The following PTPRK variants were observed in gnomAD, a reference collection of about 807,000 sequenced individuals.
The protein encoded by PTPRK is receptor-type tyrosine-protein phosphatase kappa.
In PTPRK, 75 loss-of-function variants were observed where a neutral mutation model predicts 178.0. That is an observed-to-expected ratio of 0.42 (90% CI 0.35 to 0.51). The LOEUF (loss-of-function observed/expected upper bound fraction) is 0.51, where lower values mean the gene tolerates loss of function less well. Among genes scored for constraint, PTPRK ranks in the 20% least tolerant of loss-of-function variants. The pLI, the probability that PTPRK is intolerant of heterozygous loss-of-function variation, is 0.02. For synonymous variants in PTPRK, 637 were observed against 620.6 expected (o/e 1.03, Z -0.39); for missense variants, 1,441 against 1,797.8 (o/e 0.80, Z 3.59).
rs544205297 is a variant in PTPRK at position 128,100,868 on chromosome 6, T to C, written c.1163-10876A>G. Among the ~76,000 whole-genome samples, 9 of 152,140 alleles carry C rather than the reference T, an allele frequency of 5.9e-5. No homozygotes were observed. The East Asian group carries it at 9.6e-4, about 16-fold the overall frequency. Reference sequence around the variant, plus strand: ...GGCCTTAGAAGAAAATAAAATCTCCTTAAATTGTATAAGTAAAAAAGTAAT... The same window carrying C: ...GGCCTTAGAAGAAAATAAAATCTCCCTAAATTGTATAAGTAAAAAAGTAAT... On this transcript the variant is annotated intron_variant, in intron 7 of 29. Coordinates refer to ENST00000368226, the MANE Select transcript of PTPRK (RefSeq NM_002844.4).
intron 1 of PTPRK, among the ~76,000 whole-genome samples, chr6:128,435,167 A>T (rs1161193108): frequency 7.9e-5 from 12 of 151,370 alleles, no homozygotes; most frequent in Admixed American, 2.0e-4. Flanking sequence ...GCAGGCAGGC[A>T]GGCTGGCTTA....
intron 1 of PTPRK, among the ~76,000 whole-genome samples, chr6:128,455,699 A>C (rs1562557633): frequency 6.6e-6 from 1 of 151,944 alleles, no homozygotes; most frequent in Non-Finnish European, 1.5e-5. Flanking sequence ...TAATATTCAC[A>C]CTCTAATGTC....
intron 15 of PTPRK, 125 bp downstream of exon 15, chr6:128,004,959 C>G (rs747717884): frequency 3.0e-5 from 23 of 770,778 alleles, no homozygotes; most frequent in Non-Finnish European, 2.8e-5. Context: ...CCATCTCTTT[C>G]TCTTCTTTCT....
intron 7 of PTPRK, among the ~76,000 whole-genome samples, chr6:128,117,320 T>G (rs1562614558): frequency 7.0e-6 from 1 of 143,726 alleles, no homozygotes; most frequent in African/African-American, 2.7e-5. Context: ...AAAAGCATTT[T>G]CCTATGTTAG....
chr6:128,157,259 T>C (rs1302115779), intron 7 of PTPRK, among the ~76,000 whole-genome samples: 4 of 152,068 alleles, frequency 2.6e-5, no homozygotes, highest in African/African-American at 2.4e-5. Context: ...TCAACACTAC[T>C]GCATCCTTTT....
At chr6:127,997,067 T>C (rs1777235708) in intron 16 of PTPRK, 79 bp from the exon 17 acceptor site, 8 of 1,422,882 alleles carry the variant, frequency 5.6e-6, no homozygotes, top group South Asian at 1.2e-5. Context: ...AAGCCCCAAA[T>C]AGTAAAAACC....
intron 1 of PTPRK, among the ~76,000 whole-genome samples, chr6:128,450,961 T>A (rs114153326): frequency 6.6e-6 from 1 of 152,146 alleles, no homozygotes; most frequent in Non-Finnish European, 1.5e-5. Flanking sequence ...CTTGACTGAT[T>A]CACTGAAGAC....
chr6:128,161,315 T>C lies in PTPRK; in HGVS notation c.1162+23117A>G, dbSNP rs114201440. Among the ~76,000 whole-genome samples, 356 of 151,744 alleles carry C rather than the reference T, an allele frequency of 2.3e-3. 1 individual carries two copies. Among genetic ancestry groups the C allele is most frequent in the African/African-American group, 7.8e-3 (325 of 41,498 alleles). ...GAAAGTTCATGTTCTAGTAGCCCTATGTGAATTGTCAATGTGTATTCCATA... is the reference window on the plus strand; with the variant it reads ...GAAAGTTCATGTTCTAGTAGCCCTACGTGAATTGTCAATGTGTATTCCATA... On this transcript the variant is annotated intron_variant, in intron 7 of 29. Coordinates refer to ENST00000368226, the MANE Select transcript of PTPRK (RefSeq NM_002844.4).
Position 127,981,216 on chromosome 6 carries a change from T to C in PTPRK, c.3611A>G (p.Lys1204Arg). ...SIACLPRNHDKNRFMDMLPPD... is the reference protein window; with the variant it reads ...SIACLPRNHDRNRFMDMLPPD... The stretch of plus-strand genomic sequence containing the variant: ...TGGCAGCATGTCCATGAAACGGTTC[T>C]TGTCATGGTTCCTTGGCAGGCACGC... The change falls in exon 25 of 30, where the codon AAG (lysine) becomes AGG (arginine). Residue 1204 changes from lysine (K) to arginine (R), a missense_variant. Lys to Arg is a conservative substitution (Grantham distance 26). Coordinates refer to ENST00000368226, the MANE Select transcript of PTPRK (RefSeq NM_002844.4). The C allele has an allele frequency of 6.2e-7, 1 of 1,613,724 alleles. No homozygotes were observed. The highest frequency in any genetic ancestry group is 8.5e-7 in the Non-Finnish European group (1 of 1,179,714).
At chr6:128,304,037 A>G (rs942519899) in intron 3 of PTPRK, among the ~76,000 whole-genome samples, 2 of 152,164 alleles carry the variant, frequency 1.3e-5, no homozygotes, top group African/African-American at 4.8e-5. Context: ...GACTTATGCA[A>G]TTTTGGAGCA....
intron 2 of PTPRK, 33 bp downstream of exon 2, chr6:128,397,533 C>G (rs766097159): frequency 1.9e-6 from 3 of 1,609,058 alleles, no homozygotes; most frequent in South Asian, 1.1e-5. Flanking sequence ...CAAAACTATT[C>G]CCCCAACACT....
rs1001618642 is a variant in PTPRK at position 128,317,602 on chromosome 6, A to T, written c.495+4437T>A. 3.9e-5 allele frequency among the ~76,000 whole-genome samples: 6 copies of T among 152,164 alleles called. No individual in the cohort carries two copies. In the East Asian group the frequency reaches 1.2e-3, roughly 29 times the overall value. ...ATAACAATGCTTTTGGCTGCACAGG[A>T]GAATAGTCATCTAAAAATTCTTTAA... On this transcript the variant is annotated intron_variant, in intron 3 of 29. Transcript: ENST00000368226.
rs976024864 is a variant in PTPRK, at chr6:128,020,702, A to G, written c.2195-11434T>C. On this transcript the variant is annotated intron_variant, in intron 13 of 29. Transcript: ENST00000368226. ...TAAAACCTTTACTAGTGCTCAAATT[A>G]TAAGAACGTGATGTGATCTAAAATA... is the stretch of plus-strand genomic sequence containing the variant. Among the ~76,000 whole-genome samples, 10 of 152,330 alleles carry G rather than the reference A, an allele frequency of 6.6e-5. No homozygotes were observed. The South Asian group carries it at 1.4e-3, about 22-fold the overall frequency.
intron 5 of PTPRK, among the ~76,000 whole-genome samples, chr6:128,237,565 G>A (rs1393458800): frequency 6.6e-6 from 1 of 152,188 alleles, no homozygotes; most frequent in Admixed American, 6.5e-5. Flanking sequence ...GCATCTTACA[G>A]CTGGAAGGGA....
At chr6:128,307,466 AAAAAAAAAATC>A (rs1415903128) in intron 3 of PTPRK, among the ~76,000 whole-genome samples, 12 of 147,948 alleles carry the variant, frequency 8.1e-5, no homozygotes, top group Admixed American at 2.7e-4. Context: ...TAAAGTAAAA[AAAAAAAAAATC>A]AAAAAAAAAT....
chr6:128,135,880 A>G (rs1363707637), intron 7 of PTPRK, among the ~76,000 whole-genome samples: 2 of 152,150 alleles, frequency 1.3e-5, no homozygotes, highest in Admixed American at 6.6e-5. Context: ...AAAGAATAGC[A>G]TCTGGTAGAG....
chr6:128,089,146 T>C (rs1027464297), intron 8 of PTPRK, among the ~76,000 whole-genome samples: 2 of 152,148 alleles, frequency 1.3e-5, no homozygotes, highest in African/African-American at 4.8e-5. Flanking sequence ...GAATTTTTAA[T>C]AGAGACAGGG....
chr6:128,349,359 T>C (rs909005168), intron 2 of PTPRK, among the ~76,000 whole-genome samples: 5 of 152,112 alleles, frequency 3.3e-5, no homozygotes, highest in African/African-American at 4.8e-5. Flanking sequence ...GGTTTATAAT[T>C]GAATGTACAA....
chr6:128,123,193 TA>T (rs1171597868), intron 7 of PTPRK, among the ~76,000 whole-genome samples: 1 of 152,066 alleles, frequency 6.6e-6, no homozygotes, highest in African/African-American at 2.4e-5. Flanking sequence ...CCAAAAATGC[TA>T]AGGAAAGCCA....
Sources: gnomAD v4.1 joint callset for allele counts (sites outside exome capture counted in the v4.1 genomes callset) on GRCh38, gnomAD v4.1.1 for gene constraint, MANE v1.5 for transcripts, NCBI Gene and HGNC (gene_info 2026-07-23, HGNC 2026-07-21) for gene names.